The following USP46 variants were observed in gnomAD, a reference collection of about 807,000 sequenced individuals.
USP46 encodes ubiquitin specific peptidase 46, also known as ubiquitin carboxyl-terminal hydrolase 46.
USP46 carries 12 observed loss-of-function variants against 44.4 expected under a neutral mutation model. That is an observed-to-expected ratio of 0.27 (90% CI 0.17 to 0.44). The LOEUF is 0.44. USP46 is among the 20% of genes least tolerant of loss of function. The probability of loss-of-function intolerance (pLI) is 1.00; values close to 1 mark genes in which losing one functional copy is unlikely to be tolerated. For missense variants in USP46, 248 were observed against 444.8 expected, an observed-to-expected ratio of 0.56 and a Z score of 3.98; for synonymous variants, 155 against 161.5, an observed-to-expected ratio of 0.96 and a Z score of 0.31.
At chr4:52,618,307 G>A (rs1296178275) in intron 4 of USP46, among the ~76,000 whole-genome samples, 1 of 152,102 alleles carries the variant, frequency 6.6e-6, no homozygotes, top group Admixed American at 6.6e-5. Flanking sequence ...TGGCCAACAT[G>A]GTGAAACCCT....
chr4:52,601,983 T>TG lies in USP46; in HGVS notation c.793dup (p.His265ProfsTer24). The TG allele has an allele frequency of 6.2e-7, 1 of 1,613,996 alleles. No individual in the cohort carries two copies. The highest frequency in any genetic ancestry group is 8.5e-7 in the Non-Finnish European group (1 of 1,179,874). ...ACGGTAAGACAGCTTGGTGTATCTG[T>TG]GCAGCTGCTCCATGTACTTGAACCG... On this transcript the variant is annotated frameshift_variant, in exon 7 of 9. Transcript: ENST00000441222. LOFTEE classifies it high-confidence loss of function.
chr4:52,658,926 G>T (rs1225355097), intron 1 of USP46, among the ~76,000 whole-genome samples, 189 bp downstream of exon 1: 1 of 151,724 alleles, frequency 6.6e-6, no homozygotes, highest in African/African-American at 2.4e-5. Flanking sequence ...GGGCGCCGGG[G>T]GCTCGGGGAC....
rs1188448959 is a variant in USP46, at chr4:52,592,836, TA to T, written c.*4803del. 16,710 of 266,576 alleles carry T rather than the reference TA, an allele frequency of 0.063. No individual in the cohort carries two copies. Among genetic ancestry groups the T allele is most frequent in the Middle Eastern group, 0.095 (90 of 950 alleles). 16.5% of individuals were successfully genotyped at this position (266,576 alleles called of 1,614,324 possible). A position where few individuals can be genotyped will look rare whatever the true frequency, so the allele number is the denominator to read the frequency against. Reference sequence around the variant, plus strand: ...CCTGGGTGACAGTGAGACTCCATCTTAAAAAAAAAAAAGGAAAGAAAAGTGT... The same window carrying T: ...CCTGGGTGACAGTGAGACTCCATCTTAAAAAAAAAAAGGAAAGAAAAGTGT... On this transcript the variant is annotated 3_prime_UTR_variant, in exon 9 of 9. Coordinates refer to ENST00000441222, the MANE Select transcript of USP46 (RefSeq NM_022832.4).
chr4:52,614,386 G>A (rs1350628514), intron 4 of USP46, among the ~76,000 whole-genome samples: 4 of 152,142 alleles, frequency 2.6e-5, no homozygotes, highest in Non-Finnish European at 4.4e-5. Context: ...CAGCCAAACT[G>A]TTGAAAACCA....
intron 1 of USP46, among the ~76,000 whole-genome samples, chr4:52,646,854 C>A (rs559791061): frequency 6.6e-6 from 1 of 152,308 alleles, no homozygotes; most frequent in South Asian, 2.1e-4. Context: ...CCCTGACTGG[C>A]AAAGATCAAA....
At chr4:52,647,221 G>A (rs1718577468) in intron 1 of USP46, among the ~76,000 whole-genome samples, 1 of 152,200 alleles carries the variant, frequency 6.6e-6, no homozygotes, top group Non-Finnish European at 1.5e-5. Context: ...GATCAGGACA[G>A]ATCAGGGTAT....
intron 4 of USP46, among the ~76,000 whole-genome samples, chr4:52,613,103 C>T (rs1716995189): frequency 6.6e-6 from 1 of 152,122 alleles, no homozygotes; most frequent in Admixed American, 6.5e-5. Context: ...AGGAGGAGAG[C>T]TGTACACAAC....
rs1463208583 is a variant in USP46 at position 52,593,138 on chromosome 4, A to AT, written c.*4501dup. 7.6e-6 allele frequency: 3 copies of AT among 393,344 alleles called. No homozygotes were observed. Among genetic ancestry groups the AT allele is most frequent in the Non-Finnish European group, 1.3e-5 (3 of 223,500 alleles). 24.4% of individuals were successfully genotyped at this position (393,344 alleles called of 1,614,324 possible). On this transcript the variant is annotated 3_prime_UTR_variant, in exon 9 of 9. Coordinates refer to ENST00000441222, the MANE Select transcript of USP46 (RefSeq NM_022832.4). The stretch of plus-strand genomic sequence containing the variant: ...TAAGGGAATGGAAATGGAAGGCTTC[A>AT]TTTTTTTAGTAAAGGTATTTTAAGT...
intron 1 of USP46, among the ~76,000 whole-genome samples, chr4:52,645,829 C>T (rs1031030316): frequency 5.3e-5 from 8 of 152,212 alleles, no homozygotes; most frequent in Non-Finnish European, 8.8e-5. Context: ...ATCATTGGGG[C>T]GGTCTTTCCC....
chr4:52,619,070 C>T (rs144874145), intron 4 of USP46, among the ~76,000 whole-genome samples: 145 of 152,238 alleles, frequency 9.5e-4, no homozygotes, highest in African/African-American at 3.3e-3. Flanking sequence ...GCTAACAAAT[C>T]TTACGAACCA....
intron 8 of USP46, among the ~76,000 whole-genome samples, 195 bp from the exon 9 acceptor site, chr4:52,597,936 T>C (rs1290274574): frequency 3.9e-5 from 6 of 152,340 alleles, no homozygotes; most frequent in Admixed American, 3.9e-4. Context: ...TGTACATCTC[T>C]GGGAAAGAAG....
chr4:52,622,917 T>C lies in USP46; in HGVS notation c.561+3101A>G, dbSNP rs1339436364. ...AGAGTAAGAAACAGAATGGCAAAGA[T>C]GACCCTGCAGAGACAGACAGAGCCA... is the stretch of plus-strand genomic sequence containing the variant. On this transcript the variant is annotated intron_variant, in intron 4 of 8. Coordinates refer to ENST00000441222, the MANE Select transcript of USP46 (RefSeq NM_022832.4). 6.6e-5 allele frequency among the ~76,000 whole-genome samples: 10 copies of C among 152,300 alleles called. No individual in the cohort carries two copies. In the East Asian group the frequency reaches 1.2e-3, roughly 18 times the overall value.
intron 4 of USP46, among the ~76,000 whole-genome samples, chr4:52,611,704 T>C (rs1007007919): frequency 1.3e-5 from 2 of 152,064 alleles, no homozygotes; most frequent in African/African-American, 4.8e-5. Context: ...CTGGCCAACA[T>C]GGTGAAACTC....
intron 6 of USP46, 130 bp downstream of exon 6, chr4:52,604,371 C>A: frequency 1.4e-6 from 1 of 710,064 alleles, no homozygotes; most frequent in Non-Finnish European, 2.4e-6. Context: ...AGGAGGATAA[C>A]TGACTTCCCC....
chr4:52,610,482 T>C, intron 5 of USP46, 59 bp downstream of exon 5: 1 of 1,440,382 alleles, frequency 6.9e-7, no homozygotes, highest in South Asian at 1.2e-5. Context: ...TACAGGATTT[T>C]CTCTCCCACT....
intron 4 of USP46, among the ~76,000 whole-genome samples, chr4:52,623,367 A>G (rs190824247): frequency 1.2e-4 from 19 of 152,356 alleles, no homozygotes; most frequent in African/African-American, 4.3e-4. Flanking sequence ...ATAATGGATT[A>G]AAACACATGA....
At chr4:52,627,371 A>T (rs1281345680) in intron 3 of USP46, among the ~76,000 whole-genome samples, 1 of 152,248 alleles carries the variant, frequency 6.6e-6, no homozygotes, top group East Asian at 1.9e-4. Context: ...TGCCAATACA[A>T]AACTTCTGGA....
rs115446382 is a variant in USP46, at chr4:52,603,510, C to T, written c.722+991G>A. Among the ~76,000 whole-genome samples the T allele has an allele frequency of 6.3e-3, 960 of 152,252 alleles. 13 individuals are homozygous for T. Among genetic ancestry groups the T allele is most frequent in the African/African-American group, 0.022 (915 of 41,550 alleles). On this transcript the variant is annotated intron_variant, in intron 6 of 8. Transcript: ENST00000441222. Reference sequence around the variant, plus strand: ...AGCTGCCTTGAATACTCCAGAACCACTGACAAGATAGATTTAACTCACAGG... The same window carrying T: ...AGCTGCCTTGAATACTCCAGAACCATTGACAAGATAGATTTAACTCACAGG...
At chr4:52,613,594 C>T (rs769685957) in intron 4 of USP46, among the ~76,000 whole-genome samples, 11 of 151,670 alleles carry the variant, frequency 7.3e-5, no homozygotes, top group African/African-American at 9.7e-5. Flanking sequence ...CGGTGGCAGG[C>T]GCCTGTAATC....
Sources: gnomAD v4.1 joint callset for allele counts (sites outside exome capture counted in the v4.1 genomes callset) on GRCh38, gnomAD v4.1.1 for gene constraint, MANE v1.5 for transcripts, NCBI Gene and HGNC (gene_info 2026-07-23, HGNC 2026-07-21) for gene names.